The following SPATS1 variants were observed in gnomAD, a reference collection of about 807,000 sequenced individuals.
SPATS1 encodes spermatogenesis-associated serine-rich protein 1.
Under a neutral mutation model 33.6 loss-of-function variants are expected in SPATS1, and 23 were observed. The observed-to-expected ratio is 0.68, with a 90% CI of 0.49 to 0.97. The LOEUF (loss-of-function observed/expected upper bound fraction) is 0.97. SPATS1 is among the 50% of genes least tolerant of loss of function. SPATS1 has a pLI of 0.00. For missense variants in SPATS1, 327 were observed against 361.0 expected (o/e 0.91, Z 0.76); for synonymous variants, 131 against 125.6 (o/e 1.04, Z -0.29).
chr6:44,342,865 G>T (rs896213820), intron 1 of SPATS1, 97 bp downstream of exon 1: 134 of 1,298,490 alleles, frequency 1.0e-4, no homozygotes, highest in Non-Finnish European at 4.1e-5. Flanking sequence ...GAGCTGGATG[G>T]GGGCTGCAGC....
Position 44,376,463 on chromosome 6 carries a change from A to G in SPATS1, c.864A>G (p.Leu288=). The G allele has an allele frequency of 6.2e-7, 1 of 1,606,040 alleles. No homozygotes were observed. The highest frequency in any genetic ancestry group is 8.5e-7 in the Non-Finnish European group (1 of 1,175,638). ...WQPAVPLMHM[L]HLSGALDFPR... is the part of the protein sequence containing the mutation. ...CAGCAGTGCCCTTAATGCACATGCTACACCTTTCTGGTGGGTTAAAGAAAC... is the reference window on the plus strand; with the variant it reads ...CAGCAGTGCCCTTAATGCACATGCTGCACCTTTCTGGTGGGTTAAAGAAAC... The change falls in exon 8 of 9, where the codon CTA becomes CTG. Residue 288 remains leucine (L), a synonymous_variant. Coordinates refer to ENST00000674044, the MANE Select transcript of SPATS1 (RefSeq NM_001372081.1).
At chr6:44,355,193 G>A (rs555718088) in intron 3 of SPATS1, among the ~76,000 whole-genome samples, 4 of 99,464 alleles carry the variant, frequency 4.0e-5, no homozygotes, top group East Asian at 6.6e-4. Flanking sequence ...CCTGGCAACC[G>A]CAGATATTTT....
chr6:44,351,651 T>G (rs1195205486), intron 2 of SPATS1, among the ~76,000 whole-genome samples: 5 of 152,234 alleles, frequency 3.3e-5, no homozygotes, highest in South Asian at 4.1e-4. Flanking sequence ...CAGAACAAAT[T>G]GGCTTTCATG....
At position 44,376,441 on chromosome 6, in the gene SPATS1, C is replaced by T. The variant is rs1466547426; in HGVS notation, c.842C>T (p.Ala281Val). 1 of 1,611,656 alleles carries T rather than the reference C, an allele frequency of 6.2e-7. No homozygotes were observed. Among genetic ancestry groups the T allele is most frequent in the Admixed American group, 1.7e-5 (1 of 59,758 alleles). Residue 281 changes from alanine (A) to valine (V), a missense_variant, in exon 8 of 9, where the codon GCA (alanine) becomes GTA (valine). By Grantham distance (64) the Ala-to-Val change is moderately conservative (BLOSUM62 0). Coordinates refer to ENST00000674044, the MANE Select transcript of SPATS1 (RefSeq NM_001372081.1). ...EVEELDNWQPAVPLMHMLHLS... is the reference protein window; with the variant it reads ...EVEELDNWQPVVPLMHMLHLS... Reference sequence around the variant, plus strand: ...GAGGAGCTTGACAACTGGCAGCCAGCAGTGCCCTTAATGCACATGCTACAC... The same window carrying T: ...GAGGAGCTTGACAACTGGCAGCCAGTAGTGCCCTTAATGCACATGCTACAC...
chr6:44,375,803 A>G (rs1237292775), intron 7 of SPATS1, among the ~76,000 whole-genome samples: 2 of 150,500 alleles, frequency 1.3e-5, no homozygotes, highest in African/African-American at 4.9e-5. Flanking sequence ...CTCTGTCTCA[A>G]AAAACAAACA....
intron 6 of SPATS1, among the ~76,000 whole-genome samples, chr6:44,369,763 T>G (rs1430541462): frequency 6.6e-5 from 10 of 151,870 alleles, no homozygotes; most frequent in Admixed American, 5.9e-4. Flanking sequence ...TCCCAGCTAC[T>G]TGGGAGGCTG....
chr6:44,362,065 A>C, intron 5 of SPATS1, 73 bp downstream of exon 5: 1 of 1,581,826 alleles, frequency 6.3e-7, no homozygotes, highest in Non-Finnish European at 8.7e-7. Context: ...TAGGCCCTGC[A>C]TTCTGTAGCT....
At position 44,378,371 on chromosome 6, in the gene SPATS1, T is replaced by C. The variant is rs1161934542; in HGVS notation, c.*1308T>C. Reference sequence around the variant, plus strand: ...TCCAAAACCTTAAAGTGGAAAGAGATTGGGGTCCATGCTGAGACTCCACAT... The same window carrying C: ...TCCAAAACCTTAAAGTGGAAAGAGACTGGGGTCCATGCTGAGACTCCACAT... On this transcript the variant is annotated 3_prime_UTR_variant, in exon 9 of 9. Coordinates refer to ENST00000674044, the MANE Select transcript of SPATS1 (RefSeq NM_001372081.1). 6.6e-6 allele frequency: 1 copy of C among 152,002 alleles called. No homozygotes were observed. The highest frequency in any genetic ancestry group is 1.5e-5 in the Non-Finnish European group (1 of 68,000). 9.4% of individuals were successfully genotyped at this position (152,002 alleles called of 1,614,324 possible).
chr6:44,344,318 C>T (rs1043405293), intron 2 of SPATS1, among the ~76,000 whole-genome samples: 1 of 151,652 alleles, frequency 6.6e-6, no homozygotes, highest in Non-Finnish European at 1.5e-5. Flanking sequence ...CAGGAGAATA[C>T]ATCTGAGTTT....
chr6:44,368,587 T>C lies in SPATS1; in HGVS notation c.695+88T>C, dbSNP rs915540588. The C allele has an allele frequency of 7.8e-6, 10 of 1,279,850 alleles. No individual in the cohort carries two copies. In the African/African-American group the frequency reaches 1.2e-4, roughly 15 times the overall value. 79.3% of individuals were successfully genotyped at this position (1,279,850 alleles called of 1,614,324 possible). A position where few individuals can be genotyped will look rare whatever the true frequency, so the allele number is the denominator to read the frequency against. ...CACAGAAATTATATTTTAAAAGGGATAGATGTCAACAAGATGTGATTGGAT... is the reference window on the plus strand; with the variant it reads ...CACAGAAATTATATTTTAAAAGGGACAGATGTCAACAAGATGTGATTGGAT... On this transcript the variant is annotated intron_variant, in intron 6 of 8. Coordinates refer to ENST00000674044, the MANE Select transcript of SPATS1 (RefSeq NM_001372081.1).
chr6:44,367,359 C>G (rs887761869), intron 5 of SPATS1, among the ~76,000 whole-genome samples: 2 of 152,230 alleles, frequency 1.3e-5, no homozygotes, highest in Admixed American at 6.5e-5. Context: ...TCCACTCTCT[C>G]TGCTTTGAAT....
In SPATS1 at chr6:44,343,444, T is replaced by A. The variant is rs1205502200; in HGVS notation, c.139+210T>A. On this transcript the variant is annotated intron_variant, in intron 2 of 8. Transcript: ENST00000674044. ...AGCACCACCAAAGCAGAGAGTCTCA[T>A]AAATTACCTCACTGGATCTCACAGC... is the stretch of plus-strand genomic sequence containing the variant. 4.5e-6 allele frequency: 3 copies of A among 665,948 alleles called. No individual in the cohort carries two copies. The East Asian group carries it at 9.0e-5, about 20-fold the overall frequency. 41.3% of individuals were successfully genotyped at this position (665,948 alleles called of 1,614,324 possible). A position where few individuals can be genotyped will look rare whatever the true frequency, so the allele number is the denominator to read the frequency against.
At chr6:44,343,305 G>T in intron 2 of SPATS1, 71 bp downstream of exon 2, 1 of 1,556,394 alleles carries the variant, frequency 6.4e-7, no homozygotes, top group Non-Finnish European at 8.8e-7. Context: ...GGGGGCGGGG[G>T]CAGGTGGGGG....
chr6:44,354,508 T>C (rs997991098), intron 3 of SPATS1, among the ~76,000 whole-genome samples: 6 of 152,210 alleles, frequency 3.9e-5, no homozygotes, highest in Non-Finnish European at 8.8e-5. Context: ...ATTACTCTTT[T>C]GTAAAACCTA....
intron 4 of SPATS1, 148 bp downstream of exon 4, chr6:44,360,718 C>A: frequency 1.0e-6 from 1 of 987,808 alleles, no homozygotes; most frequent in Non-Finnish European, 1.4e-6. Flanking sequence ...TGCCAGGAAG[C>A]CATTATATGT....
intron 3 of SPATS1, among the ~76,000 whole-genome samples, 183 bp downstream of exon 3, chr6:44,353,056 C>A (rs1788337469): frequency 6.6e-6 from 1 of 152,184 alleles, no homozygotes; most frequent in Non-Finnish European, 1.5e-5. Context: ...CTTCACCTCC[C>A]TGGGCTTCAG....
rs371113144 is a variant in SPATS1 at position 44,351,961 on chromosome 6, GA to G, written c.140-764del. ...AACAAATCCTTTGGAAAATTATATT[GA>G]GATGCTTAATACAATGTACAGTGCT... On this transcript the variant is annotated intron_variant, in intron 2 of 8. Coordinates refer to ENST00000674044, the MANE Select transcript of SPATS1 (RefSeq NM_001372081.1). Among the ~76,000 whole-genome samples, 71 of 152,172 alleles carry G rather than the reference GA, an allele frequency of 4.7e-4. 2 individuals are homozygous for G. In the East Asian group the frequency reaches 0.012, roughly 26 times the overall value.
chr6:44,355,092 C>A (rs889557174), intron 3 of SPATS1, among the ~76,000 whole-genome samples: 1 of 152,186 alleles, frequency 6.6e-6, no homozygotes, highest in Non-Finnish European at 1.5e-5. Flanking sequence ...AAGTGCTGGG[C>A]ATGAGCCACT....
At chr6:44,374,200 T>C (rs146458298) in intron 7 of SPATS1, among the ~76,000 whole-genome samples, 101 of 152,358 alleles carry the variant, frequency 6.6e-4, no homozygotes, top group African/African-American at 2.0e-3. Context: ...GTATTCCACT[T>C]AATCAGGATG....
Sources: gnomAD v4.1 joint callset for allele counts (sites outside exome capture counted in the v4.1 genomes callset) on GRCh38, gnomAD v4.1.1 for gene constraint, MANE v1.5 for transcripts, NCBI Gene and HGNC (gene_info 2026-07-23, HGNC 2026-07-21) for gene names.